MASTL: variants seen among roughly 807,000 people sequenced by gnomAD.
MASTL encodes the protein microtubule associated serine/threonine kinase like.
Under a neutral mutation model 82.5 loss-of-function variants are expected in MASTL, and 54 were observed. That is an observed-to-expected ratio of 0.65 (90% confidence interval 0.53 to 0.82). The LOEUF (loss-of-function observed/expected upper bound fraction) is 0.82, where lower values mean the gene tolerates loss of function less well. MASTL is among the 40% of genes least tolerant of loss of function. MASTL has a pLI of 0.00. For missense variants in MASTL, 950 were observed against 1,047.8 expected (o/e 0.91, Z 1.29); for synonymous variants, 323 against 368.9 (o/e 0.88, Z 1.43).
In MASTL at chr10:27,186,520, C is replaced by G; in HGVS notation, c.2624C>G (p.Ser875Cys). Residue 875 changes from serine (S) to cysteine (C), a missense_variant, in exon 12 of 12, where the codon TCT becomes TGT. Physicochemically the swap from Ser to Cys is moderately radical, Grantham distance 112. Transcript: ENST00000375940. The stretch of plus-strand genomic sequence containing the variant: ...AATACTGCTCAGCACCTGACTGTAT[C>G]TGGATTTAGTCTGTAGCACAAAAAT... ...ARNTAQHLTV[S>C]GFSL 5.0e-6 allele frequency: 8 copies of G among 1,614,028 alleles called. No homozygotes were observed. The highest frequency in any genetic ancestry group is 6.8e-6 in the Non-Finnish European group (8 of 1,179,964).
At position 27,165,098 on chromosome 10, in the gene MASTL, A is replaced by G; in HGVS notation, c.588A>G (p.Ser196=). 6.2e-7 allele frequency: 1 copy of G among 1,611,984 alleles called. No individual in the cohort carries two copies. The highest frequency in any genetic ancestry group is 8.5e-7 in the Non-Finnish European group (1 of 1,178,058). ...TGATGGATATCCTTACAACACCATC[A>G]ATGGCAAAACCTAGACAAGATTATT... ...INMMDILTTP[S]MAKPRQDYSR... Residue 196 remains serine (S), a synonymous_variant, in exon 5 of 12, where the codon TCA becomes TCG. Coordinates refer to ENST00000375940, the MANE Select transcript of MASTL (RefSeq NM_001172303.3).
intron 9 of MASTL, among the ~76,000 whole-genome samples, chr10:27,179,199 T>C (rs1348402634): frequency 6.6e-6 from 1 of 152,190 alleles, no homozygotes; most frequent in Non-Finnish European, 1.5e-5. Context: ...AACACTTTGT[T>C]CATAGAACTA....
intron 9 of MASTL, among the ~76,000 whole-genome samples, chr10:27,176,514 T>C (rs1196737199): frequency 1.3e-5 from 2 of 152,070 alleles, no homozygotes. Flanking sequence ...TCTCAAAGAG[T>C]CTCTTTATAT....
At chr10:27,163,642 A>G (rs2057646232) in intron 4 of MASTL, among the ~76,000 whole-genome samples, 3 of 146,720 alleles carry the variant, frequency 2.0e-5, no homozygotes, top group Non-Finnish European at 4.5e-5. Flanking sequence ...TTTTTCTTTG[A>G]GACAGAGTCT....
chr10:27,170,545 C>T lies in MASTL; in HGVS notation c.1586C>T (p.Ala529Val). 6.2e-7 allele frequency: 1 copy of T among 1,613,200 alleles called. No individual in the cohort carries two copies. Among genetic ancestry groups the T allele is most frequent in the South Asian group, 1.1e-5 (1 of 90,890 alleles). ...TPEKLPIPMI[A>V]KNLMCELDED... ...GAAAAATTACCTATACCAATGATAG[C>T]AAAAAACCTTATGTGTGAACTCGAT... is the stretch of plus-strand genomic sequence containing the variant. The change falls in exon 8 of 12, where the codon GCA becomes GTA. Residue 529 changes from alanine (A) to valine (V), a missense_variant. Coordinates refer to ENST00000375940, the MANE Select transcript of MASTL (RefSeq NM_001172303.3).
chr10:27,156,275 C>G (rs934482267), intron 1 of MASTL, among the ~76,000 whole-genome samples: 2 of 152,194 alleles, frequency 1.3e-5, no homozygotes, highest in East Asian at 3.9e-4. Context: ...CCGCCCGCCT[C>G]GGCCTCCCAA....
At chr10:27,169,042 A>G (rs10764683) in intron 7 of MASTL, among the ~76,000 whole-genome samples, 91,516 of 151,598 alleles carry the variant, frequency 0.6, 27,870 homozygotes, top group Non-Finnish European at 0.65. Flanking sequence ...TGGAATTCAG[A>G]AAAAAAAATC....
intron 9 of MASTL, 125 bp downstream of exon 9, chr10:27,173,384 G>A: frequency 9.9e-7 from 1 of 1,013,290 alleles, no homozygotes; most frequent in Non-Finnish European, 1.5e-6. Context: ...AACTCATCTA[G>A]TATATATATG....
intron 8 of MASTL, among the ~76,000 whole-genome samples, chr10:27,171,424 T>TTATTA (rs1375111712): frequency 7.3e-6 from 1 of 137,528 alleles, no homozygotes; most frequent in Non-Finnish European, 1.6e-5. Context: ...ATTATTATTA[T>TTATTA]TATTATTATT....
rs2057499827 is a variant in MASTL at position 27,159,490 on chromosome 10, G to A, written c.325-129G>A. 11 of 648,092 alleles carry A rather than the reference G, an allele frequency of 1.7e-5. No individual in the cohort carries two copies. Among genetic ancestry groups the A allele is most frequent in the Admixed American group, 5.2e-5 (2 of 38,536 alleles). 40.1% of individuals were successfully genotyped at this position (648,092 alleles called of 1,614,324 possible). ...AATAAACCTAGTATTAATGTATTAC[G>A]AGTAATAGCAAGAAAAGGTCGTTTC... On this transcript the variant is annotated intron_variant, in intron 2 of 11. Transcript: ENST00000375940. This position sits in a 1 kb window ranked among gnomAD's most constrained non-coding sequence, Gnocchi z 4.0.
At chr10:27,168,022 G>A (rs1245311716) in intron 7 of MASTL, among the ~76,000 whole-genome samples, 1 of 152,120 alleles carries the variant, frequency 6.6e-6, no homozygotes, top group Non-Finnish European at 1.5e-5. Flanking sequence ...TCATAATAAG[G>A]TTTCCTTCAT....
chr10:27,176,508 A>G (rs764262776), intron 9 of MASTL, among the ~76,000 whole-genome samples: 4 of 152,192 alleles, frequency 2.6e-5, no homozygotes, highest in Non-Finnish European at 5.9e-5. Context: ...CTTGTCTCTC[A>G]AAGAGTCTCT....
At chr10:27,156,750 C>T (rs2135946637) in intron 1 of MASTL, among the ~76,000 whole-genome samples, 1 of 151,432 alleles carries the variant, frequency 6.6e-6, no homozygotes, top group Non-Finnish European at 1.5e-5. Context: ...GAGCTCCTGA[C>T]CTCAGGTGAC....
In MASTL at chr10:27,175,176, A is replaced by ATTATTTAT. The variant is rs56359245; in HGVS notation, c.2266+1933_2266+1940dup. Reference sequence around the variant, plus strand: ...TATTTAACTGAAAATTCTTTTATTTATTATTTATTTATTTATTTATTTAGA... The same window carrying ATTATTTAT: ...TATTTAACTGAAAATTCTTTTATTTATTATTTATTTATTTATTTATTTATTTATTTAGA... On this transcript the variant is annotated intron_variant, in intron 9 of 11. Transcript: ENST00000375940. Among the ~76,000 whole-genome samples the ATTATTTAT allele has an allele frequency of 6.5e-4, 96 of 148,746 alleles. 1 individual carries two copies. The highest frequency in any genetic ancestry group is 5.3e-3 in the East Asian group (27 of 5,080).
At chr10:27,160,716 A>G (rs2057541816) in intron 3 of MASTL, among the ~76,000 whole-genome samples, 1 of 151,370 alleles carries the variant, frequency 6.6e-6, no homozygotes, top group Non-Finnish European at 1.5e-5. Flanking sequence ...GTGCCATTGC[A>G]CTCCAGCCTG....
At chr10:27,177,545 A>C (rs1406081682) in intron 9 of MASTL, among the ~76,000 whole-genome samples, 1 of 152,194 alleles carries the variant, frequency 6.6e-6, no homozygotes, top group Admixed American at 6.5e-5. Context: ...CTCTCAGCCG[A>C]GATGAGCCAG....
intron 1 of MASTL, among the ~76,000 whole-genome samples, chr10:27,156,904 G>T (rs1336673259): frequency 6.7e-6 from 1 of 149,352 alleles, no homozygotes; most frequent in Non-Finnish European, 1.5e-5. Flanking sequence ...CACTTCCCGG[G>T]TTCAAGCGAG....
At position 27,170,261 on chromosome 10, in the gene MASTL, T is replaced by C; in HGVS notation, c.1302T>C (p.Ser434=). 6.2e-7 allele frequency: 1 copy of C among 1,614,130 alleles called. No homozygotes were observed. Among genetic ancestry groups the C allele is most frequent in the South Asian group, 1.1e-5 (1 of 91,086 alleles). ...NQWAVDSGGI[S]EEHLGKRSLK... is the part of the protein sequence containing the mutation. ...GGGCTGTGGATTCTGGTGGGATATC[T>C]GAAGAGCACCTTGGGAAAAGAAGTT... The change falls in exon 8 of 12, where the codon TCT becomes TCC. Residue 434 remains serine (S), a synonymous_variant. Transcript: ENST00000375940.
intron 9 of MASTL, among the ~76,000 whole-genome samples, chr10:27,174,422 G>A (rs549284090): frequency 6.6e-6 from 1 of 152,120 alleles, no homozygotes; most frequent in Admixed American, 6.6e-5. Flanking sequence ...CTTTCTCTCT[G>A]AAAACTGTTC....
Sources: gnomAD v4.1 joint callset for allele counts (sites outside exome capture counted in the v4.1 genomes callset) on GRCh38, gnomAD v4.1.1 for gene constraint, Gnocchi (gnomAD v3.1) non-coding constraint, MANE v1.5 for transcripts, NCBI Gene and HGNC (gene_info 2026-07-23, HGNC 2026-07-21) for gene names.